The following AP1AR variants were observed in gnomAD, a reference collection of about 807,000 sequenced individuals.
AP1AR encodes adaptor related protein complex 1 associated regulatory protein.
AP1AR carries 29 observed loss-of-function variants against 46.3 expected under a neutral mutation model. That is an observed-to-expected ratio of 0.63 (90% confidence interval 0.47 to 0.85). The LOEUF is 0.85. Ranked by LOEUF, AP1AR falls within the 40% of genes least tolerant of loss-of-function variation. The pLI, the probability that AP1AR is intolerant of heterozygous loss-of-function variation, is 0.00. For synonymous variants in AP1AR, 122 were observed against 122.9 expected, an observed-to-expected ratio of 0.99 and a Z score of 0.05; for missense variants, 357 against 356.3, an observed-to-expected ratio of 1.00 and a Z score of -0.02.
chr4:112,253,570 G>A (rs1318872993), intron 2 of AP1AR, among the ~76,000 whole-genome samples: 1 of 152,182 alleles, frequency 6.6e-6, no homozygotes, highest in African/African-American at 2.4e-5. Flanking sequence ...TGCCCCAGCA[G>A]GGGGGAGTCC....
intron 1 of AP1AR, among the ~76,000 whole-genome samples, chr4:112,245,938 C>T (rs1455386110): frequency 6.6e-6 from 1 of 152,026 alleles, no homozygotes; most frequent in African/African-American, 2.4e-5. Context: ...GCTCATTTTG[C>T]TTCCTATCTT....
chr4:112,248,141 A>G (rs1489262960), intron 1 of AP1AR, among the ~76,000 whole-genome samples: 2 of 152,254 alleles, frequency 1.3e-5, no homozygotes, highest in Non-Finnish European at 2.9e-5. Flanking sequence ...GAGGAAAAAT[A>G]TCAGGTAAAT....
Position 112,272,655 on chromosome 4 carries a change from C to T in AP1AR, c.*4246C>T, listed in dbSNP as rs968465488. Among the ~76,000 whole-genome samples the T allele has an allele frequency of 6.6e-6, 1 of 152,276 alleles. No homozygotes were observed. Among genetic ancestry groups the T allele is most frequent in the East Asian group, 1.9e-4 (1 of 5,180 alleles). On this transcript the variant is annotated 3_prime_UTR_variant, in exon 10 of 10. Coordinates refer to ENST00000274000, the MANE Select transcript of AP1AR (RefSeq NM_018569.6). Reference sequence around the variant, plus strand: ...TACTCAATCTTTTGACGTCCCCCTTCGTTCCATCCAAGTGTACTTTTTTTT... The same window carrying T: ...TACTCAATCTTTTGACGTCCCCCTTTGTTCCATCCAAGTGTACTTTTTTTT...
chr4:112,265,141 C>G (rs907817181), intron 7 of AP1AR, 74 bp downstream of exon 7: 14 of 1,186,460 alleles, frequency 1.2e-5, no homozygotes, highest in Non-Finnish European at 1.7e-5. Flanking sequence ...TCATTCACCT[C>G]AAGATGTGTA....
At chr4:112,248,431 A>G (rs922895155) in intron 1 of AP1AR, among the ~76,000 whole-genome samples, 3 of 152,228 alleles carry the variant, frequency 2.0e-5, no homozygotes, top group African/African-American at 7.2e-5. Context: ...TAAAAAAAAC[A>G]GTTCTTAATA....
rs1263952100 is a variant in AP1AR at position 112,272,067 on chromosome 4, C to CAGTT, written c.*3660_*3663dup. ...CCGCTGCTTTAGTTGCATTTGGAGA[C>CAGTT]AGTTACACAAATGAAGGGATGGAAA... On this transcript the variant is annotated 3_prime_UTR_variant, in exon 10 of 10. Transcript: ENST00000274000. Among the ~76,000 whole-genome samples, 1 of 152,018 alleles carries CAGTT rather than the reference C, an allele frequency of 6.6e-6. No individual in the cohort carries two copies. The highest frequency in any genetic ancestry group is 1.5e-5 in the Non-Finnish European group (1 of 68,006).
intron 3 of AP1AR, among the ~76,000 whole-genome samples, chr4:112,255,264 C>T (rs1479180827): frequency 7.8e-6 from 1 of 128,486 alleles, no homozygotes; most frequent in Non-Finnish European, 1.6e-5. Flanking sequence ...CAGCCAATTC[C>T]GAATTTTTTT....
chr4:112,266,482 A>G, intron 8 of AP1AR, 106 bp from the exon 9 acceptor site: 1 of 1,085,472 alleles, frequency 9.2e-7, no homozygotes, highest in Non-Finnish European at 1.3e-6. Flanking sequence ...TGAAGCTAAA[A>G]GTAATAATAA....
At chr4:112,266,839 CTT>C in intron 9 of AP1AR, 123 bp downstream of exon 9, 1 of 884,926 alleles carries the variant, frequency 1.1e-6, no homozygotes, top group Non-Finnish European at 1.6e-6. Context: ...CATATAAACA[CTT>C]TTTAGACCAT....
At chr4:112,257,736 G>A (rs768235858) in intron 3 of AP1AR, 36 bp from the exon 4 acceptor site, 3 of 1,294,240 alleles carry the variant, frequency 2.3e-6, no homozygotes, top group Non-Finnish European at 3.1e-6. Flanking sequence ...TTTAGCTAAT[G>A]AATTTGTTTT....
At chr4:112,248,296 G>A (rs966730284) in intron 1 of AP1AR, among the ~76,000 whole-genome samples, 1 of 152,094 alleles carries the variant, frequency 6.6e-6, no homozygotes, top group African/African-American at 2.4e-5. Context: ...ACTCTGTGGG[G>A]CTTTTGTTTG....
chr4:112,263,061 C>T lies in AP1AR; in HGVS notation c.356C>T (p.Ala119Val). ...LYAAQREAAR[A>V]AKQRKLLEQE... ...GCTGCACAGCGTGAAGCAGCCAGGG[C>T]AGCAAAGCAGCGAAAGCTCTTGGAG... The change falls in exon 6 of 10, where the codon GCA (alanine) becomes GTA (valine). Residue 119 changes from alanine (A) to valine (V), a missense_variant. By Grantham distance (64) the Ala-to-Val change is moderately conservative (BLOSUM62 0). Transcript: ENST00000274000. 1 of 1,613,620 alleles carries T rather than the reference C, an allele frequency of 6.2e-7. No individual in the cohort carries two copies. The highest frequency in any genetic ancestry group is 1.1e-5 in the South Asian group (1 of 91,034).
In AP1AR at chr4:112,231,883, G is replaced by A; in HGVS notation, c.-209G>A. The A allele has an allele frequency of 2.5e-6, 1 of 404,980 alleles. No individual in the cohort carries two copies. The highest frequency in any genetic ancestry group is 4.3e-6 in the Non-Finnish European group (1 of 231,920). The allele number at this position is 404,980 out of a possible 1,614,324, so 25.1% of individuals were successfully genotyped here. A position where few individuals can be genotyped will look rare whatever the true frequency, so the allele number is the denominator to read the frequency against. ...GGTGCTCCTCCCTCGCGCAGCGGTGGCTCTGCGGCCGCTGGAGTAAACACT... is the reference window on the plus strand; with the variant it reads ...GGTGCTCCTCCCTCGCGCAGCGGTGACTCTGCGGCCGCTGGAGTAAACACT... On this transcript the variant is annotated 5_prime_UTR_variant, in exon 1 of 10. Coordinates refer to ENST00000274000, the MANE Select transcript of AP1AR (RefSeq NM_018569.6).
chr4:112,251,905 C>T (rs1316596876), intron 1 of AP1AR, among the ~76,000 whole-genome samples: 1 of 152,162 alleles, frequency 6.6e-6, no homozygotes, highest in Non-Finnish European at 1.5e-5. Flanking sequence ...AAATAGTTCC[C>T]ATAATTTCAT....
chr4:112,232,920 C>T (rs1725079047), intron 1 of AP1AR, among the ~76,000 whole-genome samples: 2 of 152,218 alleles, frequency 1.3e-5, no homozygotes, highest in Admixed American at 6.5e-5. Context: ...TTTGTATATG[C>T]ACCATCCACA....
At chr4:112,243,511 G>A (rs1725594846) in intron 1 of AP1AR, among the ~76,000 whole-genome samples, 1 of 152,032 alleles carries the variant, frequency 6.6e-6, no homozygotes, top group Non-Finnish European at 1.5e-5. Flanking sequence ...TTATTCATAC[G>A]TTCATTCTAT....
chr4:112,257,710 G>A (rs1035203509), intron 3 of AP1AR, 62 bp from the exon 4 acceptor site: 1 of 1,296,760 alleles, frequency 7.7e-7, no homozygotes, highest in Non-Finnish European at 1.0e-6. Context: ...AATTGTATTG[G>A]TTACTTTAAA....
In AP1AR at chr4:112,264,733, A is replaced by T. The variant is rs77949812; in HGVS notation, c.382-276A>T. Among the ~76,000 whole-genome samples the T allele has an allele frequency of 6.8e-3, 1,030 of 152,200 alleles. 8 individuals carry two copies. Among genetic ancestry groups the T allele is most frequent in the African/African-American group, 0.023 (966 of 41,558 alleles). On this transcript the variant is annotated intron_variant, in intron 6 of 9. Coordinates refer to ENST00000274000, the MANE Select transcript of AP1AR (RefSeq NM_018569.6). ...CTTGGGTATACTAAGAATGTTAAGG[A>T]TATCAATACATATCTGTTAAAAAAA... is the stretch of plus-strand genomic sequence containing the variant.
At chr4:112,246,367 A>G (rs1725726892) in intron 1 of AP1AR, among the ~76,000 whole-genome samples, 1 of 152,156 alleles carries the variant, frequency 6.6e-6, no homozygotes, top group Non-Finnish European at 1.5e-5. Flanking sequence ...TCAGCTGGGC[A>G]TGGTGGTGCA....
Sources: gnomAD v4.1 joint callset for allele counts (sites outside exome capture counted in the v4.1 genomes callset) on GRCh38, gnomAD v4.1.1 for gene constraint, MANE v1.5 for transcripts, NCBI Gene and HGNC (gene_info 2026-07-23, HGNC 2026-07-21) for gene names.